Variants in SH3RF3 observed in about 807,000 individuals in gnomAD.
SH3RF3 encodes SH3 domain containing ring finger 3, also known as E3 ubiquitin-protein ligase SH3RF3.
SH3RF3 carries 29 observed loss-of-function variants against 66.3 expected under a neutral mutation model. The ratio of observed to expected loss-of-function variants is 0.44; its 90% confidence interval spans 0.33 to 0.60. The LOEUF (loss-of-function observed/expected upper bound fraction) is 0.60. Ranked by LOEUF, SH3RF3 falls within the 20% of genes least tolerant of loss-of-function variation. The pLI is 0.04. For missense variants in SH3RF3, 1,194 were observed against 1,190.9 expected, an observed-to-expected ratio of 1.00 and a Z score of -0.04; for synonymous variants, 583 against 532.0, an observed-to-expected ratio of 1.10 and a Z score of -1.32.
chr2:109,409,736 A>C (rs934483707), intron 4 of SH3RF3, among the ~76,000 whole-genome samples: 5 of 151,634 alleles, frequency 3.3e-5, no homozygotes, highest in African/African-American at 1.2e-4. Context: ...CTCTGGCTAC[A>C]CAAGCTGCTT....
At chr2:109,329,736 C>A (rs1682241633) in intron 1 of SH3RF3, among the ~76,000 whole-genome samples, 1 of 152,194 alleles carries the variant, frequency 6.6e-6, no homozygotes, top group Admixed American at 6.5e-5. Context: ...AAATGAATTG[C>A]AGGAGTGTGA....
intron 1 of SH3RF3, among the ~76,000 whole-genome samples, chr2:109,261,771 A>G (rs1680361109): frequency 6.6e-6 from 1 of 152,080 alleles, no homozygotes; most frequent in Non-Finnish European, 1.5e-5. Flanking sequence ...TTTGTCATGG[A>G]TTTATACAGT....
intron 1 of SH3RF3, among the ~76,000 whole-genome samples, chr2:109,280,846 C>T (rs1205622542): frequency 6.6e-6 from 1 of 152,190 alleles, no homozygotes; most frequent in Non-Finnish European, 1.5e-5. Context: ...GTTTTATGTC[C>T]GTTGCACATT....
chr2:109,205,980 C>T (rs921278210), intron 1 of SH3RF3, among the ~76,000 whole-genome samples: 1 of 152,166 alleles, frequency 6.6e-6, no homozygotes, highest in African/African-American at 2.4e-5. Flanking sequence ...ACCATGTTTA[C>T]TCCAAAAGTG....
At position 109,502,353 on chromosome 2, in the gene SH3RF3, GACT is replaced by G. The variant is rs1679412417; in HGVS notation, c.*683_*685del. On this transcript the variant is annotated 3_prime_UTR_variant, in exon 10 of 10. Transcript: ENST00000309415. ...GCATATTTTTAACATAAAGCTGTTA[GACT>G]TTATATATTTCTAATAGGTCAGACA... 6.6e-6 allele frequency: 1 copy of G among 152,176 alleles called. No homozygotes were observed. Among genetic ancestry groups the G allele is most frequent in the South Asian group, 2.1e-4 (1 of 4,824 alleles). The allele number at this position is 152,176 out of a possible 1,614,324, so 9.4% of individuals were successfully genotyped here.
chr2:109,302,114 A>C (rs377704178), intron 1 of SH3RF3, among the ~76,000 whole-genome samples: 1 of 152,196 alleles, frequency 6.6e-6, no homozygotes, highest in Non-Finnish European at 1.5e-5. Flanking sequence ...ATAGCAGAGA[A>C]TGGAGAGGCT....
chr2:109,132,191 C>T (rs1676714154), intron 1 of SH3RF3, among the ~76,000 whole-genome samples: 1 of 152,204 alleles, frequency 6.6e-6, no homozygotes, highest in Admixed American at 6.5e-5. Context: ...ATAAATATTA[C>T]AGTCCCATCA....
At chr2:109,325,756 C>T (rs1036413951) in intron 1 of SH3RF3, among the ~76,000 whole-genome samples, 1 of 152,198 alleles carries the variant, frequency 6.6e-6, no homozygotes, top group Non-Finnish European at 1.5e-5. Flanking sequence ...CTCTACCAGC[C>T]TGGAGTAGTG....
At chr2:109,336,271 T>C (rs1682419173) in intron 1 of SH3RF3, among the ~76,000 whole-genome samples, 1 of 152,228 alleles carries the variant, frequency 6.6e-6, no homozygotes, top group Non-Finnish European at 1.5e-5. Context: ...TCTTGTTCTC[T>C]AGACTAGGTA....
chr2:109,352,286 C>T (rs765339825), intron 2 of SH3RF3, among the ~76,000 whole-genome samples: 2 of 152,154 alleles, frequency 1.3e-5, no homozygotes, highest in African/African-American at 2.4e-5. Flanking sequence ...CCAGAATACT[C>T]GCAGGAAAGT....
chr2:109,238,450 TG>T (rs1382086022), intron 1 of SH3RF3, among the ~76,000 whole-genome samples: 27 of 704 alleles, frequency 0.038, no homozygotes, highest in East Asian at 0.33. Flanking sequence ...TATGTATATT[TG>T]TGTGTGTGTG....
chr2:109,471,472 C>T (rs1171354626), intron 8 of SH3RF3, among the ~76,000 whole-genome samples: 2 of 152,140 alleles, frequency 1.3e-5, no homozygotes, highest in Non-Finnish European at 2.9e-5. Flanking sequence ...GAAACTGCCC[C>T]CGTGATCTAG....
chr2:109,281,935 C>T (rs1158803807), intron 1 of SH3RF3, among the ~76,000 whole-genome samples: 1 of 152,126 alleles, frequency 6.6e-6, no homozygotes, highest in Non-Finnish European at 1.5e-5. Flanking sequence ...AAAGGCCTGC[C>T]TGGCTCTGTG....
intron 9 of SH3RF3, among the ~76,000 whole-genome samples, chr2:109,498,254 C>T (rs1029879140): frequency 6.6e-6 from 1 of 152,210 alleles, no homozygotes; most frequent in African/African-American, 2.4e-5. Flanking sequence ...CTCTGAGACA[C>T]TTAGAGTTGG....
intron 3 of SH3RF3, among the ~76,000 whole-genome samples, chr2:109,384,897 C>T (rs1051351370): frequency 6.6e-6 from 1 of 152,220 alleles, no homozygotes; most frequent in African/African-American, 2.4e-5. Flanking sequence ...CATTCTCACA[C>T]AGCCATGGAA....
chr2:109,490,904 C>A lies in SH3RF3; in HGVS notation c.2448C>A (p.Ile816=). 6.6e-7 allele frequency: 1 copy of A among 1,516,068 alleles called. No individual in the cohort carries two copies. Among genetic ancestry groups the A allele is most frequent in the Admixed American group, 2.0e-5 (1 of 49,972 alleles). 93.9% of individuals were successfully genotyped at this position (1,516,068 alleles called of 1,614,324 possible). The part of the protein sequence containing the change: ...SRQAPLSMAA[I]RPEPKLLPRE... ...AAGCTCCGCTGTCCATGGCTGCCATCCGCCCCGAGCCCAAGCTGTTGCCCA... is the reference window on the plus strand; with the variant it reads ...AAGCTCCGCTGTCCATGGCTGCCATACGCCCCGAGCCCAAGCTGTTGCCCA... Residue 816 remains isoleucine (I), a synonymous_variant, in exon 9 of 10, where the codon ATC becomes ATA. Transcript: ENST00000309415.
At chr2:109,498,304 G>T (rs1489853265) in intron 9 of SH3RF3, among the ~76,000 whole-genome samples, 2 of 152,150 alleles carry the variant, frequency 1.3e-5, no homozygotes, top group East Asian at 3.9e-4. Context: ...GGCCTGTTCT[G>T]CTTCCCCAGG....
chr2:109,209,513 A>G (rs552253905), intron 1 of SH3RF3, among the ~76,000 whole-genome samples: 3 of 152,270 alleles, frequency 2.0e-5, no homozygotes, highest in African/African-American at 7.2e-5. Flanking sequence ...GGGTACAGCA[A>G]GGGAGGCGAG....
At chr2:109,352,437 G>A (rs770206351) in intron 2 of SH3RF3, among the ~76,000 whole-genome samples, 6 of 152,272 alleles carry the variant, frequency 3.9e-5, no homozygotes, top group South Asian at 2.1e-4. Context: ...TGGAGGCCAC[G>A]GTCCCCTCAC....
Sources: allele counts gnomAD v4.1 joint callset (sites outside exome capture counted in the v4.1 genomes callset), GRCh38; gene constraint gnomAD v4.1.1; transcripts MANE v1.5; gene names NCBI Gene and HGNC (gene_info 2026-07-23, HGNC 2026-07-21).